CCDC148: variants seen among roughly 807,000 people sequenced by gnomAD.
CCDC148 encodes the protein coiled-coil domain-containing protein 148.
CCDC148 carries 89 observed loss-of-function variants against 85.7 expected under a neutral mutation model. That is an observed-to-expected ratio of 1.04 (90% CI 0.87 to 1.24). The LOEUF is 1.24. Ranked by LOEUF, CCDC148 falls within the 50% of genes most tolerant of loss-of-function variation. The pLI is 0.00. For missense variants in CCDC148, 692 were observed against 671.7 expected, an observed-to-expected ratio of 1.03 and a Z score of -0.33; for synonymous variants, 230 against 213.9, an observed-to-expected ratio of 1.08 and a Z score of -0.66.
intron 7 of CCDC148, among the ~76,000 whole-genome samples, chr2:158,324,084 A>G (rs946780107): frequency 9.2e-5 from 14 of 151,460 alleles, no homozygotes; most frequent in African/African-American, 3.4e-4. Context: ...TGCCCAGCTA[A>G]TTTTTGTATT....
chr2:158,358,315 T>C, intron 2 of CCDC148, 134 bp downstream of exon 2: 1 of 993,348 alleles, frequency 1.0e-6, no homozygotes, highest in Non-Finnish European at 1.5e-6. Flanking sequence ...TTAGCTGCTA[T>C]TCACTATTAT....
intron 9 of CCDC148, among the ~76,000 whole-genome samples, chr2:158,299,361 T>A (rs1691340803): frequency 6.6e-6 from 1 of 152,204 alleles, no homozygotes; most frequent in South Asian, 2.1e-4. Context: ...TTCATATACA[T>A]TTTGGAGGCT....
At chr2:158,298,066 A>C (rs1364797926) in intron 9 of CCDC148, among the ~76,000 whole-genome samples, 1 of 152,220 alleles carries the variant, frequency 6.6e-6, no homozygotes, top group East Asian at 1.9e-4. Flanking sequence ...GTCCTTCTTC[A>C]CATGGTATCA....
chr2:158,357,174 A>G (rs982002731), intron 2 of CCDC148, among the ~76,000 whole-genome samples: 1 of 151,902 alleles, frequency 6.6e-6, no homozygotes, highest in African/African-American at 2.4e-5. Flanking sequence ...GCACATGTAT[A>G]CATATGTAAC....
rs371983686 is a variant in CCDC148 at position 158,358,413 on chromosome 2, A to G, written c.147+36T>C. 8.2e-6 allele frequency: 13 copies of G among 1,580,914 alleles called. No individual in the cohort carries two copies. In the African/African-American group the frequency reaches 1.8e-4, roughly 22 times the overall value. On this transcript the variant is annotated intron_variant, in intron 2 of 13. Coordinates refer to ENST00000283233, the MANE Select transcript of CCDC148 (RefSeq NM_138803.4). Reference sequence around the variant, plus strand: ...ATACTTTCCAGCAATTCGATTTTCTAAAACTAGAAAAACACATACACACAC... The same window carrying G: ...ATACTTTCCAGCAATTCGATTTTCTGAAACTAGAAAAACACATACACACAC...
At chr2:158,409,794 T>C (rs1686181687) in intron 1 of CCDC148, among the ~76,000 whole-genome samples, 1 of 152,142 alleles carries the variant, frequency 6.6e-6, no homozygotes. Flanking sequence ...CCCACCCATA[T>C]CTCATCTTGA....
intron 1 of CCDC148, among the ~76,000 whole-genome samples, chr2:158,414,913 T>C (rs1686426227): frequency 6.6e-6 from 1 of 152,150 alleles, no homozygotes; most frequent in African/African-American, 2.4e-5. Flanking sequence ...AGTCAGACAC[T>C]CCTTGCTTTC....
rs1685324554 is a variant in CCDC148 at position 158,391,891 on chromosome 2, T to G, written c.26-33321A>C. The stretch of plus-strand genomic sequence containing the variant: ...GGTAACAGGGGCACAAGTGGTGGTG[T>G]GAGGGGATGAGACCTGGAGGAGGAT... On this transcript the variant is annotated intron_variant, in intron 1 of 13. Transcript: ENST00000283233. Among the ~76,000 whole-genome samples, 3 of 152,046 alleles carry G rather than the reference T, an allele frequency of 2.0e-5. No homozygotes were observed. The South Asian group carries it at 6.2e-4, about 32-fold the overall frequency.
At chr2:158,232,923 G>A (rs1687922581) in intron 10 of CCDC148, among the ~76,000 whole-genome samples, 1 of 152,148 alleles carries the variant, frequency 6.6e-6, no homozygotes, top group Non-Finnish European at 1.5e-5. Flanking sequence ...CAGTTAAGTA[G>A]AAGGAATAAA....
chr2:158,454,796 C>A (rs1688535547), intron 1 of CCDC148, among the ~76,000 whole-genome samples: 1 of 152,172 alleles, frequency 6.6e-6, no homozygotes, highest in Admixed American at 6.5e-5. Flanking sequence ...CTTAGTAGCG[C>A]AGGAGCAAGT....
intron 1 of CCDC148, among the ~76,000 whole-genome samples, chr2:158,392,198 A>G (rs1685338470): frequency 6.6e-6 from 1 of 152,108 alleles, no homozygotes; most frequent in African/African-American, 2.4e-5. Flanking sequence ...CACTCATTCA[A>G]TATTTACTGA....
At chr2:158,415,025 T>C (rs1402553923) in intron 1 of CCDC148, among the ~76,000 whole-genome samples, 1 of 152,052 alleles carries the variant, frequency 6.6e-6, no homozygotes, top group Non-Finnish European at 1.5e-5. Flanking sequence ...ATGTATTACT[T>C]ACCAAACTCA....
At chr2:158,246,408 T>C (rs977503021) in intron 10 of CCDC148, among the ~76,000 whole-genome samples, 1 of 152,194 alleles carries the variant, frequency 6.6e-6, no homozygotes, top group African/African-American at 2.4e-5. Flanking sequence ...TCAGTATCTC[T>C]GAGTTGACAT....
chr2:158,313,387 G>C (rs776425062), intron 8 of CCDC148, among the ~76,000 whole-genome samples: 15 of 152,200 alleles, frequency 9.9e-5, no homozygotes, highest in Non-Finnish European at 1.9e-4. Context: ...GTGAATGGTG[G>C]AGCAGGCATT....
At chr2:158,436,310 A>C (rs1687648788) in intron 1 of CCDC148, among the ~76,000 whole-genome samples, 3 of 152,240 alleles carry the variant, frequency 2.0e-5, no homozygotes, top group Admixed American at 1.3e-4. Flanking sequence ...ACTAGAACTT[A>C]GGATTAAGAA....
At chr2:158,351,970 A>T (rs949210778) in intron 2 of CCDC148, among the ~76,000 whole-genome samples, 6 of 144,704 alleles carry the variant, frequency 4.1e-5, no homozygotes, top group African/African-American at 1.6e-4. Context: ...GGGCACACTG[A>T]CACCTCACAC....
intron 1 of CCDC148, among the ~76,000 whole-genome samples, chr2:158,428,141 G>A (rs66908201): frequency 3.3e-5 from 5 of 152,130 alleles, no homozygotes; most frequent in Non-Finnish European, 7.4e-5. Flanking sequence ...TTTGGGTGGA[G>A]GATTAGAGGA....
At position 158,220,678 on chromosome 2, in the gene CCDC148, C is replaced by A. The variant is rs937419965; in HGVS notation, c.1287G>T (p.Trp429Cys). ...GAAGATCTCTCATTTCCATTTCTTG[C>A]CACTTCTGTTTTTTCTTGGCCCAGT... is the stretch of plus-strand genomic sequence containing the variant. ...KKYWAKKKQK[W>C]QEMEMRDLQR... is the part of the protein sequence containing the mutation. Residue 429 changes from tryptophan (W) to cysteine (C), a missense_variant, in exon 11 of 14, where the codon TGG (tryptophan) becomes TGT (cysteine). Coordinates refer to ENST00000283233, the MANE Select transcript of CCDC148 (RefSeq NM_138803.4). 1.3e-6 allele frequency: 2 copies of A among 1,588,676 alleles called. No homozygotes were observed. Among genetic ancestry groups the A allele is most frequent in the Non-Finnish European group, 1.7e-6 (2 of 1,173,734 alleles).
At chr2:158,358,670 TA>T (rs1356403164) in intron 1 of CCDC148, 100 bp from the exon 2 acceptor site, 1 of 636,116 alleles carries the variant, frequency 1.6e-6, no homozygotes, top group Non-Finnish European at 2.3e-6. Flanking sequence ...ATCTTATTTT[TA>T]AATATTTTTA....
Sources: allele counts gnomAD v4.1 joint callset (sites outside exome capture counted in the v4.1 genomes callset), GRCh38; gene constraint gnomAD v4.1.1; transcripts MANE v1.5; gene names NCBI Gene and HGNC (gene_info 2026-07-23, HGNC 2026-07-21).